The following SLC27A6 variants were observed in gnomAD, a reference collection of about 807,000 sequenced individuals.
The protein encoded by SLC27A6 is solute carrier family 27 member 6, also known as long-chain fatty acid transport protein 6.
In SLC27A6, 74 loss-of-function variants were observed where a neutral mutation model predicts 63.9. The observed-to-expected ratio is 1.16, with a 90% CI of 0.96 to 1.40. The LOEUF (loss-of-function observed/expected upper bound fraction) is 1.40, where lower values mean the gene tolerates loss of function less well. Among genes scored for constraint, SLC27A6 ranks in the 40% most tolerant of loss-of-function variants. SLC27A6 has a pLI of 0.00. For missense variants in SLC27A6, 794 were observed against 732.9 expected (o/e 1.08, Z -0.96); for synonymous variants, 287 against 260.8 (o/e 1.10, Z -0.97).
At position 129,033,502 on chromosome 5, in the gene SLC27A6, A is replaced by C. The variant is rs1488893069; in HGVS notation, c.*220A>C. On this transcript the variant is annotated 3_prime_UTR_variant, in exon 10 of 10. Coordinates refer to ENST00000262462, the MANE Select transcript of SLC27A6 (RefSeq NM_001017372.3). ...TTTTATCTATTTGGAGATTCAGTGCATAACTAAGTATTTTCCTTAATACTA... is the reference window on the plus strand; with the variant it reads ...TTTTATCTATTTGGAGATTCAGTGCCTAACTAAGTATTTTCCTTAATACTA... The C allele has an allele frequency of 4.2e-6, 1 of 240,230 alleles. No homozygotes were observed. The highest frequency in any genetic ancestry group is 2.3e-5 in the African/African-American group (1 of 44,404). The allele number at this position is 240,230 out of a possible 1,614,324, so 14.9% of individuals were successfully genotyped here.
intron 4 of SLC27A6, among the ~76,000 whole-genome samples, chr5:129,015,234 AGAATCCTGT>A (rs1162242266): frequency 1.3e-5 from 2 of 152,214 alleles, no homozygotes; most frequent in African/African-American, 2.4e-5. Flanking sequence ...AGAACAAAAT[AGAATCCTGT>A]ATCTTCCTTT....
intron 3 of SLC27A6, 133 bp downstream of exon 3, chr5:128,988,891 T>G: frequency 1.6e-6 from 1 of 627,644 alleles, no homozygotes; most frequent in South Asian, 3.0e-5. Flanking sequence ...AACACAATAT[T>G]TATTTTAAAA....
rs550164636 is a variant in SLC27A6, at chr5:129,030,316, T to A, written c.1683+609T>A. Among the ~76,000 whole-genome samples, 35 of 152,178 alleles carry A rather than the reference T, an allele frequency of 2.3e-4. No individual in the cohort carries two copies. The South Asian group carries it at 6.6e-3, about 29-fold the overall frequency. On this transcript the variant is annotated intron_variant, in intron 9 of 9. Transcript: ENST00000262462. ...ACTCATTTATTCAACCATTCATGTA[T>A]TTAATATTTTGCCTCAAATATAATT... is the stretch of plus-strand genomic sequence containing the variant.
intron 4 of SLC27A6, among the ~76,000 whole-genome samples, chr5:129,005,026 A>G (rs972602962): frequency 6.6e-6 from 1 of 152,072 alleles, no homozygotes; most frequent in Non-Finnish European, 1.5e-5. Context: ...CTAACTTTCC[A>G]TCCATCATGC....
chr5:129,010,451 G>A (rs7729201), intron 4 of SLC27A6, among the ~76,000 whole-genome samples: 7,771 of 152,212 alleles, frequency 0.051, 439 homozygotes, highest in African/African-American at 0.14. Flanking sequence ...GATTATCCTG[G>A]TGGATACAAT....
At chr5:128,990,512 T>C (rs1750943280) in intron 4 of SLC27A6, 48 bp downstream of exon 4, 1 of 1,544,630 alleles carries the variant, frequency 6.5e-7, no homozygotes, top group Non-Finnish European at 8.8e-7. Context: ...AGAATAAGTA[T>C]TGAGATAGAA....
chr5:129,023,776 T>TACCAAGGGATGTC, intron 6 of SLC27A6, 66 bp downstream of exon 6: 1 of 1,127,904 alleles, frequency 8.9e-7, no homozygotes, highest in Non-Finnish European at 1.3e-6. Context: ...CAGACATCCC[T>TACCAAGGGATGTC]TGGTATCCTT....
At chr5:128,998,117 C>CAA (rs34463699) in intron 4 of SLC27A6, among the ~76,000 whole-genome samples, 26 of 89,354 alleles carry the variant, frequency 2.9e-4, no homozygotes, top group African/African-American at 4.4e-4. Flanking sequence ...CCCATCTCTA[C>CAA]AAAAAAAAAA....
chr5:129,010,504 C>T (rs541152550), intron 4 of SLC27A6, among the ~76,000 whole-genome samples: 3 of 152,200 alleles, frequency 2.0e-5, no homozygotes, highest in Admixed American at 6.5e-5. Context: ...TCTCTGGCTG[C>T]AAGCAAGGAA....
Position 128,966,719 on chromosome 5 carries a change from G to T in SLC27A6, c.481+101G>T. ...ATAATTCGTAACTAATATTTTGGGTGAGTGAAGTGTGCATGTTAAGAGTAC... is the reference window on the plus strand; with the variant it reads ...ATAATTCGTAACTAATATTTTGGGTTAGTGAAGTGTGCATGTTAAGAGTAC... On this transcript the variant is annotated intron_variant, in intron 1 of 9. Transcript: ENST00000262462. 4 of 1,211,232 alleles carry T rather than the reference G, an allele frequency of 3.3e-6. No homozygotes were observed. The South Asian group carries it at 1.0e-4, about 31-fold the overall frequency. The allele number at this position is 1,211,232 out of a possible 1,614,324, so 75.0% of individuals were successfully genotyped here.
In SLC27A6 at chr5:128,985,220, T is replaced by C. The variant is rs775980743; in HGVS notation, c.569T>C (p.Val190Ala). Residue 190 changes from valine to alanine, a missense_variant, in exon 2 of 10, where the codon GTA becomes GCA. By Grantham distance (64) the Val-to-Ala change is moderately conservative. Coordinates refer to ENST00000262462, the MANE Select transcript of SLC27A6 (RefSeq NM_001017372.3). ...WGMKDSVPQG[V>A]ISLKEKLSTS... Reference sequence around the variant, plus strand: ...ATGAAAGATTCTGTTCCACAAGGTGTAATTTCACTCAAAGAAAAACTGAGC... The same window carrying C: ...ATGAAAGATTCTGTTCCACAAGGTGCAATTTCACTCAAAGAAAAACTGAGC... 1.2e-6 allele frequency: 2 copies of C among 1,613,934 alleles called. No individual in the cohort carries two copies. The highest frequency in any genetic ancestry group is 1.7e-6 in the Non-Finnish European group (2 of 1,179,898).
At position 128,972,660 on chromosome 5, in the gene SLC27A6, C is replaced by T. The variant is rs144568450; in HGVS notation, c.481+6042C>T. Among the ~76,000 whole-genome samples, 715 of 152,238 alleles carry T rather than the reference C, an allele frequency of 4.7e-3. 5 individuals carry two copies. Among genetic ancestry groups the T allele is most frequent in the African/African-American group, 0.016 (662 of 41,538 alleles). On this transcript the variant is annotated intron_variant, in intron 1 of 9. Coordinates refer to ENST00000262462, the MANE Select transcript of SLC27A6 (RefSeq NM_001017372.3). ...CTCTATGCTGTTTATTCTAATTAGCCATTCATCTAATCTTTTTTCAAGGTT... is the reference window on the plus strand; with the variant it reads ...CTCTATGCTGTTTATTCTAATTAGCTATTCATCTAATCTTTTTTCAAGGTT...
chr5:129,024,099 G>A (rs1373943310), intron 6 of SLC27A6, among the ~76,000 whole-genome samples: 1 of 152,088 alleles, frequency 6.6e-6, no homozygotes, highest in East Asian at 1.9e-4. Context: ...ATTTAAAAAG[G>A]AGAGGATGAC....
chr5:129,004,945 A>G (rs1005552435), intron 4 of SLC27A6, among the ~76,000 whole-genome samples: 2 of 152,040 alleles, frequency 1.3e-5, no homozygotes, highest in South Asian at 2.1e-4. Context: ...CTTGACTACA[A>G]TCTAGGTTCT....
intron 1 of SLC27A6, among the ~76,000 whole-genome samples, chr5:128,984,787 GGAAAATGTTTAGTGCAGTATCCTGAATT>G (rs1750728780): frequency 6.6e-6 from 1 of 152,172 alleles, no homozygotes; most frequent in Non-Finnish European, 1.5e-5. Flanking sequence ...TGTACTTCAA[GGAAAATGTTTAGTGCAGTATCCTGAATT>G]TAGATTCAGA....
chr5:129,015,913 GT>G lies in SLC27A6; in HGVS notation c.1001del (p.Leu334TrpfsTer16), dbSNP rs748212679. 6.3e-7 allele frequency: 1 copy of G among 1,596,610 alleles called. No individual in the cohort carries two copies. The highest frequency in any genetic ancestry group is 1.1e-5 in the South Asian group (1 of 87,576). ...KREGEKDHKV[R>X]LAIGNGIRSD... ...GAAGGAGAAAAGGATCATAAGGTGC[GT>G]TTGGCAATTGGAAATGGCATACGGA... On this transcript the variant is annotated frameshift_variant, in exon 5 of 10. Transcript: ENST00000262462. LOFTEE classifies it high-confidence loss of function.
intron 4 of SLC27A6, among the ~76,000 whole-genome samples, chr5:129,013,824 C>T (rs1424501826): frequency 4.6e-5 from 7 of 152,014 alleles, no homozygotes; most frequent in Non-Finnish European, 1.0e-4. Context: ...TTCTTTGCGT[C>T]TCATATGTCT....
At chr5:129,018,926 CAT>C (rs1428369173) in intron 5 of SLC27A6, among the ~76,000 whole-genome samples, 1 of 152,014 alleles carries the variant, frequency 6.6e-6, no homozygotes, top group Non-Finnish European at 1.5e-5. Context: ...ATTTTATTCA[CAT>C]GTTGTTTTGT....
chr5:128,993,818 A>G (rs1462612551), intron 4 of SLC27A6, among the ~76,000 whole-genome samples: 1 of 151,734 alleles, frequency 6.6e-6, no homozygotes, highest in Non-Finnish European at 1.5e-5. Flanking sequence ...AATTAATTTA[A>G]TTTTTAGGGG....
Sources: gnomAD v4.1 joint callset for allele counts (sites outside exome capture counted in the v4.1 genomes callset) on GRCh38, gnomAD v4.1.1 for gene constraint, MANE v1.5 for transcripts, NCBI Gene and HGNC (gene_info 2026-07-23, HGNC 2026-07-21) for gene names.